NCOR2: variants seen among roughly 807,000 people sequenced by gnomAD.
NCOR2 encodes CTG repeat protein 26.
In NCOR2, 81 loss-of-function variants were observed where a neutral mutation model predicts 262.9. The observed-to-expected ratio is 0.31, with a 90% CI of 0.26 to 0.37. NCOR2 has a LOEUF of 0.37. NCOR2 is among the 10% of genes least tolerant of loss of function. The pLI, the probability that NCOR2 is intolerant of heterozygous loss-of-function variation, is 1.00. For missense variants in NCOR2, 3,385 were observed against 3,621.4 expected, an observed-to-expected ratio of 0.93 and a Z score of 1.68; for synonymous variants, 1,659 against 1,559.3, an observed-to-expected ratio of 1.06 and a Z score of -1.51.
At chr12:124,400,076 G>A (rs1387548735) in intron 15 of NCOR2, among the ~76,000 whole-genome samples, 3 of 152,240 alleles carry the variant, frequency 2.0e-5, no homozygotes, top group East Asian at 3.9e-4. Context: ...TGGGCCAAGC[G>A]TGGCCAGATC....
intron 41 of NCOR2, 139 bp downstream of exon 43, chr12:124,334,285 G>A: frequency 6.8e-6 from 4 of 586,752 alleles, no homozygotes; most frequent in South Asian, 2.2e-5. Context: ...CCCATCTCCT[G>A]GAGCCTCCAT....
chr12:124,408,512 C>T (rs903185142), intron 13 of NCOR2, among the ~76,000 whole-genome samples: 1 of 152,062 alleles, frequency 6.6e-6, no homozygotes, highest in Non-Finnish European at 1.5e-5. Context: ...TTTGGGAGGG[C>T]CAGGCAGGAG....
intron 11 of NCOR2, among the ~76,000 whole-genome samples, chr12:124,423,157 G>C (rs531955100): frequency 7.2e-5 from 11 of 152,330 alleles, no homozygotes; most frequent in African/African-American, 2.6e-4. Flanking sequence ...GCGTAGCCAG[G>C]AGAATTACTG....
chr12:124,544,470 C>T (rs2051480443), intron 1 of NCOR2, among the ~76,000 whole-genome samples: 1 of 152,164 alleles, frequency 6.6e-6, no homozygotes, highest in South Asian at 2.1e-4. Context: ...CCGCCAGAAG[C>T]AATTAATTGC....
intron 5 of NCOR2, among the ~76,000 whole-genome samples, chr12:124,461,487 G>A (rs1273765607): frequency 6.6e-6 from 1 of 152,256 alleles, no homozygotes; most frequent in African/African-American, 2.4e-5. Context: ...AAAAGCCTAG[G>A]AGCTGTGCTG....
exon 47 of NCOR2, chr12:124,325,377 G>GGCC (rs1555297217): frequency 1.1e-4 from 28 of 251,102 alleles, no homozygotes; most frequent in African/African-American, 1.5e-4. Flanking sequence ...ACCTGACACC[G>GGCC]CCCCCCCCCC....
At position 124,365,991 on chromosome 12, in the gene NCOR2, G is replaced by T. The variant is rs186611468; in HGVS notation, c.2808-2192C>A. On this transcript the variant is annotated intron_variant, in intron 20 of 46. Transcript: ENST00000405201. ...TACCACCATCCGTTTCAACCAGCTC[G>T]CACTTGCAAGCTGAAATTTAAAAGA... 5.3e-5 allele frequency among the ~76,000 whole-genome samples: 8 copies of T among 152,062 alleles called. No homozygotes were observed. The South Asian group carries it at 1.7e-3, about 32-fold the overall frequency.
chr12:124,497,878 A>G (rs1403899112), upstream of NCOR2, among the ~76,000 whole-genome samples: 7 of 152,210 alleles, frequency 4.6e-5, no homozygotes, highest in African/African-American at 1.7e-4. This position sits in a 1 kb window ranked among gnomAD's most constrained non-coding sequence, Gnocchi z 4.2. Flanking sequence ...AAGAGCAATG[A>G]GACATCCGTT....
At chr12:124,525,433 T>G (rs1180409524) in intron 1 of NCOR2, among the ~76,000 whole-genome samples, 1 of 152,250 alleles carries the variant, frequency 6.6e-6, no homozygotes, top group Non-Finnish European at 1.5e-5. Flanking sequence ...GTGTTTGTTT[T>G]TTGGCACTGC....
At chr12:124,521,017 C>A (rs2050155269) in intron 1 of NCOR2, among the ~76,000 whole-genome samples, 3 of 152,224 alleles carry the variant, frequency 2.0e-5, no homozygotes, top group African/African-American at 7.2e-5. Flanking sequence ...CCTCTCGAGG[C>A]ATCAGAAGGC....
intron 20 of NCOR2, among the ~76,000 whole-genome samples, chr12:124,369,200 TAA>T (rs1158640188): frequency 6.6e-6 from 1 of 151,378 alleles, no homozygotes; most frequent in Non-Finnish European, 1.5e-5. Context: ...CTCTGAAGAG[TAA>T]GAGAGGGGAA....
chr12:124,538,997 G>A (rs1256935098), upstream of NCOR2: 4 of 152,228 alleles, frequency 2.6e-5, no homozygotes, highest in Non-Finnish European at 1.5e-5. Context: ...CCAGGACCAA[G>A]TGCTTGGGCC....
intron 11 of NCOR2, among the ~76,000 whole-genome samples, chr12:124,424,124 G>C (rs934801621): frequency 1.3e-5 from 2 of 152,196 alleles, no homozygotes; most frequent in East Asian, 1.9e-4. Context: ...TGAATTAACA[G>C]AGGGTGACAT....
chr12:124,398,340 C>G (rs1476496730), intron 15 of NCOR2, among the ~76,000 whole-genome samples, 159 bp from the exon 18 acceptor site: 2 of 152,238 alleles, frequency 1.3e-5, no homozygotes, highest in Non-Finnish European at 2.9e-5. Flanking sequence ...TCAGACGCCC[C>G]TCCCCAGCCA....
intron 6 of NCOR2, among the ~76,000 whole-genome samples, chr12:124,453,611 G>C (rs2045676460): frequency 6.6e-6 from 1 of 152,226 alleles, no homozygotes; most frequent in Non-Finnish European, 1.5e-5. Context: ...GGGCCACCAG[G>C]AAGAGCCAGA....
intron 3 of NCOR2, among the ~76,000 whole-genome samples, chr12:124,473,595 TA>T (rs1429031230): frequency 4.6e-5 from 7 of 152,030 alleles, no homozygotes; most frequent in East Asian, 3.9e-4. Flanking sequence ...TATATATATA[TA>T]TTTTTTCTAT....
chr12:124,443,721 T>G lies in NCOR2; in HGVS notation c.816-5725A>C, dbSNP rs2044972541. On this transcript the variant is annotated intron_variant, in intron 7 of 46. Coordinates refer to ENST00000405201, the Ensembl canonical transcript of NCOR2. This position sits in a 1 kb window ranked among gnomAD's most constrained non-coding sequence, Gnocchi z 4.4. ...TTTCACTATATTGGCCAGGCTGATC[T>G]CAAACTCCTGACCTCATGATCTGCC... 6.6e-6 allele frequency among the ~76,000 whole-genome samples: 1 copy of G among 152,110 alleles called. No homozygotes were observed. Among genetic ancestry groups the G allele is most frequent in the Admixed American group, 6.5e-5 (1 of 15,272 alleles).
exon 47 of NCOR2, chr12:124,325,106 C>A: frequency 3.6e-6 from 1 of 275,770 alleles, no homozygotes; most frequent in Admixed American, 5.3e-5. Context: ...TGGCCGCCTG[C>A]GTGTGGCTGC....
intron 7 of NCOR2, among the ~76,000 whole-genome samples, chr12:124,444,105 G>A (rs1184006371): frequency 6.6e-6 from 1 of 152,094 alleles, no homozygotes; most frequent in Admixed American, 6.5e-5. Flanking sequence ...ACATTCCTCT[G>A]GCAAACGTTT....
Sources: allele counts gnomAD v4.1 joint callset (sites outside exome capture counted in the v4.1 genomes callset), GRCh38; gene constraint gnomAD v4.1.1; non-coding constraint Gnocchi (gnomAD v3.1); transcripts MANE v1.5; gene names NCBI Gene and HGNC (gene_info 2026-07-23, HGNC 2026-07-21).